Variants in ABI3BP observed in about 807,000 individuals in gnomAD.
ABI3BP encodes ABI family member 3 binding protein.
Under a neutral mutation model 268.6 loss-of-function variants are expected in ABI3BP, and 216 were observed. The ratio of observed to expected loss-of-function variants is 0.80; its 90% CI spans 0.72 to 0.90. The LOEUF is 0.90. ABI3BP is among the 40% of genes least tolerant of loss of function. ABI3BP has a pLI of 0.00. For missense variants in ABI3BP, 2,090 were observed against 2,182.4 expected (o/e 0.96, Z 0.84); for synonymous variants, 730 against 730.0 (o/e 1.00, Z 0.00).
intron 9 of ABI3BP, among the ~76,000 whole-genome samples, chr3:100,873,273 A>G (rs533738905): frequency 6.6e-6 from 1 of 152,344 alleles, no homozygotes; most frequent in East Asian, 1.9e-4. Context: ...TTTTTTTAAA[A>G]AATTAAGTAG....
At chr3:100,808,637 T>C (rs150028755) in intron 49 of ABI3BP, among the ~76,000 whole-genome samples, 181 of 152,216 alleles carry the variant, frequency 1.2e-3, no homozygotes, top group African/African-American at 4.1e-3. Context: ...GTTAACATGT[T>C]ATAGCCCAAA....
chr3:100,988,964 G>T (rs2092456276), intron 1 of ABI3BP, among the ~76,000 whole-genome samples: 1 of 152,170 alleles, frequency 6.6e-6, no homozygotes, highest in Non-Finnish European at 1.5e-5. Context: ...AGGTTTACCT[G>T]CTTCATAGGT....
Position 100,875,589 on chromosome 3 carries a change from T to C in ABI3BP, c.746-10A>G, listed in dbSNP as rs2099153663. ...GTAACATTCTGAATCACTGTTGAAA[T>C]ACAAAAAGACAGTGTGAGGGGGTGG... On this transcript the variant is annotated splice_polypyrimidine_tract_variant and intron_variant, in intron 7 of 67. Transcript: ENST00000471714. The C allele has an allele frequency of 3.1e-6, 5 of 1,606,906 alleles. No individual in the cohort carries two copies. Among genetic ancestry groups the C allele is most frequent in the Non-Finnish European group, 4.3e-6 (5 of 1,173,746 alleles).
intron 1 of ABI3BP, chr3:100,930,691 A>G (rs771973224): frequency 4.6e-5 from 7 of 152,036 alleles, no homozygotes; most frequent in Non-Finnish European, 1.0e-4. Flanking sequence ...TATAAAATTG[A>G]ATCAGTAACA....
chr3:100,812,432 C>T (rs765947177), intron 46 of ABI3BP, 35 bp downstream of exon 46: 6 of 1,273,588 alleles, frequency 4.7e-6, no homozygotes, highest in Non-Finnish European at 6.0e-6. Flanking sequence ...TGGAAAAGCA[C>T]ATATGCTTGA....
At chr3:100,939,393 T>C (rs544989674) in intron 1 of ABI3BP, among the ~76,000 whole-genome samples, 3 of 152,186 alleles carry the variant, frequency 2.0e-5, no homozygotes, top group East Asian at 1.9e-4. Flanking sequence ...CCAATAGTCA[T>C]GTAGGTTCTT....
intron 32 of ABI3BP, among the ~76,000 whole-genome samples, chr3:100,830,181 A>C (rs2098468282): frequency 7.3e-6 from 1 of 136,352 alleles, no homozygotes; most frequent in Non-Finnish European, 1.6e-5. Context: ...CAGATAGTAA[A>C]AATGTAGAAA....
chr3:100,874,194 TG>T (rs905915814), intron 9 of ABI3BP, among the ~76,000 whole-genome samples: 1 of 150,968 alleles, frequency 6.6e-6, no homozygotes, highest in Non-Finnish European at 1.5e-5. Flanking sequence ...GGGTTGGTGG[TG>T]GGGGGTGGTG....
Position 100,830,775 on chromosome 3 carries a change from T to G in ABI3BP, c.2402-141A>C, listed in dbSNP as rs539950813. Reference sequence around the variant, plus strand: ...CATAACTCAAAAGAAAGTGGCTGTATTTTTTTCCTTTGAATATTTCTCCAA... The same window carrying G: ...CATAACTCAAAAGAAAGTGGCTGTAGTTTTTTCCTTTGAATATTTCTCCAA... On this transcript the variant is annotated intron_variant, in intron 31 of 67. Transcript: ENST00000471714. 1.2e-5 allele frequency: 8 copies of G among 643,366 alleles called. No homozygotes were observed. The East Asian group carries it at 2.0e-4, about 16-fold the overall frequency. 39.9% of individuals were successfully genotyped at this position (643,366 alleles called of 1,614,324 possible).
In ABI3BP at chr3:100,907,608, C is replaced by T. The variant is rs183396873; in HGVS notation, c.260-4922G>A. 2.4e-3 allele frequency among the ~76,000 whole-genome samples: 364 copies of T among 152,202 alleles called. 1 individual carries two copies. The highest frequency in any genetic ancestry group is 8.3e-3 in the African/African-American group (344 of 41,520). On this transcript the variant is annotated intron_variant, in intron 2 of 67. Transcript: ENST00000471714. ...TTCTACAAAGTCTAAGGACATATTA[C>T]AAGAGAGGAAAATGTTCAAAAAATC...
intron 50 of ABI3BP, among the ~76,000 whole-genome samples, chr3:100,806,337 C>G (rs73152444): frequency 6.6e-6 from 1 of 151,982 alleles, no homozygotes; most frequent in Non-Finnish European, 1.5e-5. Flanking sequence ...ACAGGACACT[C>G]TCCTGTCCAA....
intron 1 of ABI3BP, among the ~76,000 whole-genome samples, chr3:100,934,280 G>T (rs949492713): frequency 1.3e-5 from 2 of 152,004 alleles, no homozygotes; most frequent in South Asian, 4.1e-4. Flanking sequence ...ATGGTTTCCA[G>T]CATCATCCAT....
In ABI3BP at chr3:100,765,828, A is replaced by G; in HGVS notation, c.4850+13T>C. Reference sequence around the variant, plus strand: ...ACTCTCAGAATTTACCTGGAATAGCACTGGTGGCTTACCTCGTGTTTGGTT... The same window carrying G: ...ACTCTCAGAATTTACCTGGAATAGCGCTGGTGGCTTACCTCGTGTTTGGTT... On this transcript the variant is annotated intron_variant, in intron 63 of 67. Coordinates refer to ENST00000471714, the MANE Select transcript of ABI3BP (RefSeq NM_001375547.2). 1 of 1,567,728 alleles carries G rather than the reference A, an allele frequency of 6.4e-7. No individual in the cohort carries two copies. Among genetic ancestry groups the G allele is most frequent in the Non-Finnish European group, 8.7e-7 (1 of 1,143,364 alleles).
chr3:100,847,149 A>T (rs986720089), intron 19 of ABI3BP, among the ~76,000 whole-genome samples: 5 of 152,308 alleles, frequency 3.3e-5, no homozygotes, highest in East Asian at 3.9e-4. Context: ...CATTTTAATA[A>T]GAAAAAAACT....
intron 51 of ABI3BP, among the ~76,000 whole-genome samples, chr3:100,797,284 C>G (rs1432676717): frequency 6.6e-6 from 1 of 152,052 alleles, no homozygotes; most frequent in Non-Finnish European, 1.5e-5. Flanking sequence ...CCGTATTTCT[C>G]AGTGGGGAAA....
At chr3:100,894,067 G>T (rs2046014966) in intron 4 of ABI3BP, among the ~76,000 whole-genome samples, 1 of 152,098 alleles carries the variant, frequency 6.6e-6, no homozygotes, top group African/African-American at 2.4e-5. Context: ...CAGAATCCAG[G>T]GTAAGGTGAG....
chr3:100,868,093 A>G (rs1234029220), intron 9 of ABI3BP, among the ~76,000 whole-genome samples: 1 of 152,230 alleles, frequency 6.6e-6, no homozygotes, highest in Non-Finnish European at 1.5e-5. Flanking sequence ...GAAAGAATTC[A>G]TGCCCCTTTG....
intron 63 of ABI3BP, among the ~76,000 whole-genome samples, chr3:100,755,803 C>T (rs1419069158): frequency 1.3e-5 from 2 of 152,148 alleles, no homozygotes; most frequent in Non-Finnish European, 2.9e-5. Context: ...CCTGAGTCAG[C>T]TAATAATATT....
intron 1 of ABI3BP, among the ~76,000 whole-genome samples, chr3:100,935,928 G>A (rs1297640135): frequency 6.6e-6 from 1 of 152,168 alleles, no homozygotes; most frequent in African/African-American, 2.4e-5. Flanking sequence ...TGCAAACAGA[G>A]ACAATTTGAC....
Sources: allele counts gnomAD v4.1 joint callset (sites outside exome capture counted in the v4.1 genomes callset), GRCh38; gene constraint gnomAD v4.1.1; transcripts MANE v1.5; gene names NCBI Gene and HGNC (gene_info 2026-07-23, HGNC 2026-07-21).